Variants in CSMD1 observed in about 807,000 individuals in gnomAD.
CSMD1 encodes the protein CUB and Sushi multiple domains 1, also known as CUB and sushi domain-containing protein 1.
In CSMD1, 213 loss-of-function variants were observed where a neutral mutation model predicts 417.5. That is an observed-to-expected ratio of 0.51 (90% confidence interval 0.46 to 0.57). The LOEUF (loss-of-function observed/expected upper bound fraction) is 0.57. CSMD1 is among the 20% of genes least tolerant of loss of function. The pLI is 0.00. For missense variants in CSMD1, 6,923 were observed against 4,529.7 expected, an observed-to-expected ratio of 1.53 and a Z score of -15.17; for synonymous variants, 2,862 against 1,736.8, an observed-to-expected ratio of 1.65 and a Z score of -16.11.
chr8:3,686,297 T>C (rs752971777), intron 7 of CSMD1, among the ~76,000 whole-genome samples: 2 of 152,280 alleles, frequency 1.3e-5, no homozygotes, highest in South Asian at 2.1e-4. Flanking sequence ...AGACGTGTCA[T>C]TGACAGCTAA....
chr8:3,639,195 G>A lies in CSMD1; in HGVS notation c.1010-22398C>T, dbSNP rs375243483. On this transcript the variant is annotated intron_variant, in intron 7 of 69. Transcript: ENST00000635120. ...TCAAGAGGACAGAGTAAGTCAGAAAGTAAAGACACAGGCCTTGAGGTCTCT... is the reference window on the plus strand; with the variant it reads ...TCAAGAGGACAGAGTAAGTCAGAAAATAAAGACACAGGCCTTGAGGTCTCT... Among the ~76,000 whole-genome samples, 15 of 152,350 alleles carry A rather than the reference G, an allele frequency of 9.8e-5. No individual in the cohort carries two copies. In the South Asian group the frequency reaches 2.5e-3, roughly 25 times the overall value.
chr8:3,122,421 T>G (rs895241456), intron 41 of CSMD1, among the ~76,000 whole-genome samples: 1 of 152,354 alleles, frequency 6.6e-6, no homozygotes, highest in East Asian at 1.9e-4. Flanking sequence ...CAATTGCTAT[T>G]AATAAAGTTT....
rs528971545 is a variant in CSMD1, at chr8:3,375,637, C to T, written c.2783-6267G>A. 6.6e-5 allele frequency among the ~76,000 whole-genome samples: 10 copies of T among 152,128 alleles called. 1 individual carries two copies. The South Asian group carries it at 1.9e-3, about 28-fold the overall frequency. On this transcript the variant is annotated intron_variant, in intron 18 of 69. Transcript: ENST00000635120. ...CACCAAAAGGAATCTTGTGCAGAAA[C>T]CCCCAGTAGGAAGGAGGGGAGTAAA...
chr8:3,932,572 T>C lies in CSMD1; in HGVS notation c.818+65331A>G, dbSNP rs111422835. 5.2e-3 allele frequency among the ~76,000 whole-genome samples: 784 copies of C among 150,702 alleles called. 45 individuals carry two copies. The highest frequency in any genetic ancestry group is 0.018 in the African/African-American group (754 of 40,910). On this transcript the variant is annotated intron_variant, in intron 5 of 69. Coordinates refer to ENST00000635120, the MANE Select transcript of CSMD1 (RefSeq NM_033225.6). ...AAAGTTCAATGCATTGCAGTCTAAT[T>C]AGTACTGTGGCTAGTTAAAAATCCA... is the stretch of plus-strand genomic sequence containing the variant.
Position 4,211,768 on chromosome 8 carries a change from A to G in CSMD1, c.416-179669T>C, listed in dbSNP as rs542429400. On this transcript the variant is annotated intron_variant, in intron 3 of 69. Coordinates refer to ENST00000635120, the MANE Select transcript of CSMD1 (RefSeq NM_033225.6). ...CCTGCAAATGTCAACCTCCTTCACA[A>G]ACTATTTTCTTCAAACTGTTTTTAC... 3.9e-5 allele frequency among the ~76,000 whole-genome samples: 6 copies of G among 152,306 alleles called. No homozygotes were observed. In the South Asian group the frequency reaches 8.3e-4, roughly 21 times the overall value.
At chr8:4,389,342 A>G (rs560102231) in intron 3 of CSMD1, among the ~76,000 whole-genome samples, 32 of 152,308 alleles carry the variant, frequency 2.1e-4, no homozygotes, top group Non-Finnish European at 4.7e-4. Flanking sequence ...TGGTGAGTGT[A>G]AAGAGCTGAT....
At chr8:4,864,676 C>T (rs1280198517) in intron 1 of CSMD1, among the ~76,000 whole-genome samples, 3 of 151,424 alleles carry the variant, frequency 2.0e-5, no homozygotes, top group Non-Finnish European at 4.4e-5. Context: ...GTTCTACTAA[C>T]CTGGTTTAAA....
chr8:3,965,887 G>A (rs966707152), intron 5 of CSMD1, among the ~76,000 whole-genome samples: 2 of 152,146 alleles, frequency 1.3e-5, no homozygotes, highest in African/African-American at 4.8e-5. Flanking sequence ...GAAGTGCTAG[G>A]ACTACAGGTA....
At chr8:3,734,604 G>C (rs374281767) in intron 6 of CSMD1, among the ~76,000 whole-genome samples, 2 of 152,070 alleles carry the variant, frequency 1.3e-5, no homozygotes, top group African/African-American at 2.4e-5. Context: ...CCAACTACTC[G>C]GGAGTCTGAG....
chr8:3,045,243 G>C (rs1216210171), intron 50 of CSMD1, among the ~76,000 whole-genome samples: 1 of 152,188 alleles, frequency 6.6e-6, no homozygotes, highest in Non-Finnish European at 1.5e-5. Flanking sequence ...GGTATCAAAA[G>C]AGTACTCACG....
intron 17 of CSMD1, among the ~76,000 whole-genome samples, chr8:3,395,374 G>T (rs1811621792): frequency 6.6e-6 from 1 of 152,066 alleles, no homozygotes; most frequent in African/African-American, 2.4e-5. Context: ...AATAACAGCT[G>T]CTTTGCTTTG....
intron 4 of CSMD1, among the ~76,000 whole-genome samples, chr8:4,000,216 C>T (rs954552741): frequency 2.1e-5 from 3 of 143,798 alleles, no homozygotes; most frequent in Non-Finnish European, 4.5e-5. Context: ...TGGGAACAGC[C>T]GAATGTCTCT....
At chr8:4,608,260 T>G (rs1266335999) in intron 2 of CSMD1, among the ~76,000 whole-genome samples, 1 of 152,004 alleles carries the variant, frequency 6.6e-6, no homozygotes, top group Non-Finnish European at 1.5e-5. Flanking sequence ...TTGATTTCAG[T>G]GGTAAAAGTC....
intron 2 of CSMD1, among the ~76,000 whole-genome samples, chr8:4,583,930 T>A (rs1799573069): frequency 6.6e-6 from 1 of 151,972 alleles, no homozygotes; most frequent in Non-Finnish European, 1.5e-5. Flanking sequence ...TTATGAGCTG[T>A]AACACTCACC....
rs189833477 is a variant in CSMD1, at chr8:4,332,390, G to A, written c.415+87563C>T. Among the ~76,000 whole-genome samples the A allele has an allele frequency of 9.9e-5, 15 of 152,174 alleles. No homozygotes were observed. In the East Asian group the frequency reaches 2.5e-3, roughly 26 times the overall value. On this transcript the variant is annotated intron_variant, in intron 3 of 69. Coordinates refer to ENST00000635120, the MANE Select transcript of CSMD1 (RefSeq NM_033225.6). ...CTCAAATTAACGATTCCTACCATGC[G>A]GCAGGAGGATAGTATAAATTCTTTC...
chr8:4,173,947 G>GAAACAA (rs1797901756), intron 3 of CSMD1, among the ~76,000 whole-genome samples: 1 of 152,062 alleles, frequency 6.6e-6, no homozygotes. Context: ...CCTCAGCCTT[G>GAAACAA]AAACAAAAAC....
At chr8:3,750,390 T>G (rs1241837736) in intron 6 of CSMD1, among the ~76,000 whole-genome samples, 2 of 150,928 alleles carry the variant, frequency 1.3e-5, no homozygotes, top group African/African-American at 4.9e-5. Flanking sequence ...TGATTCAAGT[T>G]GTTTGACAAC....
intron 1 of CSMD1, among the ~76,000 whole-genome samples, chr8:4,856,438 A>C (rs2116855138): frequency 7.0e-6 from 1 of 141,908 alleles, no homozygotes; most frequent in East Asian, 2.1e-4. Context: ...ATGTCAATGG[A>C]CTAAATGCTC....
chr8:3,934,468 CT>C (rs1235606973), intron 5 of CSMD1, among the ~76,000 whole-genome samples: 1 of 152,060 alleles, frequency 6.6e-6, no homozygotes, highest in Admixed American at 6.6e-5. Flanking sequence ...AAATGAATGT[CT>C]TTTTTTCTGA....
Sources: gnomAD v4.1 joint callset for allele counts (sites outside exome capture counted in the v4.1 genomes callset) on GRCh38, gnomAD v4.1.1 for gene constraint, MANE v1.5 for transcripts, NCBI Gene and HGNC (gene_info 2026-07-23, HGNC 2026-07-21) for gene names.